Variants in PTPRN2 observed in about 807,000 individuals in gnomAD.
The protein encoded by PTPRN2 is receptor-type tyrosine-protein phosphatase N2.
Under a neutral mutation model 118.8 loss-of-function variants are expected in PTPRN2, and 74 were observed. The observed-to-expected ratio is 0.62, with a 90% confidence interval of 0.52 to 0.76. PTPRN2 has a LOEUF of 0.76. Among genes scored for constraint, PTPRN2 ranks in the 30% least tolerant of loss-of-function variants. PTPRN2 has a pLI of 0.00. For missense variants in PTPRN2, 1,481 were observed against 1,394.4 expected, an observed-to-expected ratio of 1.06 and a Z score of -0.99; for synonymous variants, 641 against 608.0, an observed-to-expected ratio of 1.05 and a Z score of -0.80.
At chr7:157,899,223 C>CT (rs914249383) in intron 11 of PTPRN2, among the ~76,000 whole-genome samples, 2 of 152,204 alleles carry the variant, frequency 1.3e-5, no homozygotes, top group Admixed American at 1.3e-4. Context: ...TGTTCATGCC[C>CT]TGACAGGAAC....
intron 2 of PTPRN2, among the ~76,000 whole-genome samples, chr7:158,379,902 T>A (rs561630535): frequency 3.1e-4 from 47 of 152,082 alleles, no homozygotes; most frequent in Admixed American, 5.9e-4. Context: ...AGGAGCAAAG[T>A]CACATCTCAC....
chr7:158,384,050 A>G (rs1190747879), intron 2 of PTPRN2, among the ~76,000 whole-genome samples: 1 of 152,166 alleles, frequency 6.6e-6, no homozygotes, highest in African/African-American at 2.4e-5. Flanking sequence ...CTCTGCTTGA[A>G]GCATCCCGCG....
chr7:158,282,712 C>G (rs1197315981), intron 3 of PTPRN2, among the ~76,000 whole-genome samples: 1 of 151,700 alleles, frequency 6.6e-6, no homozygotes, highest in African/African-American at 2.4e-5. Flanking sequence ...GACGGCTGAT[C>G]CCTCCTCGTG....
chr7:157,718,808 C>T (rs1419748513), intron 12 of PTPRN2, among the ~76,000 whole-genome samples: 1 of 152,196 alleles, frequency 6.6e-6, no homozygotes, highest in African/African-American at 2.4e-5. Flanking sequence ...TGCAGCCACT[C>T]TTGGTTTCTC....
At chr7:158,090,845 A>G (rs1372136720) in intron 10 of PTPRN2, among the ~76,000 whole-genome samples, 1 of 152,242 alleles carries the variant, frequency 6.6e-6, no homozygotes, top group Non-Finnish European at 1.5e-5. Context: ...TAGAACATCA[A>G]TATACTGATG....
rs10249811 is a variant in PTPRN2 at position 157,944,244 on chromosome 7, T to G, written c.1724-45507A>C. 0.52 allele frequency among the ~76,000 whole-genome samples: 79,461 copies of G among 151,940 alleles called. 21,650 individuals are homozygous for G. The highest frequency in any genetic ancestry group is 0.66 in the African/African-American group (27,341 of 41,438). On this transcript the variant is annotated intron_variant, in intron 11 of 22. Coordinates refer to ENST00000389418, the MANE Select transcript of PTPRN2 (RefSeq NM_002847.5). This position sits in a 1 kb window ranked among gnomAD's most constrained non-coding sequence, Gnocchi z 4.3. The stretch of plus-strand genomic sequence containing the variant: ...GCATTTGACAAAGATTGAGCATGGT[T>G]CGTCGCGAACGCCAGCCTGCCCCCA...
At chr7:158,024,431 C>G (rs1807121063) in intron 11 of PTPRN2, among the ~76,000 whole-genome samples, 1 of 152,234 alleles carries the variant, frequency 6.6e-6, no homozygotes, top group Non-Finnish European at 1.5e-5. Context: ...TAGTGAAACA[C>G]ACACATTTAG....
rs181310218 is a variant in PTPRN2, at chr7:158,533,284, A to C, written c.113-43499T>G. On this transcript the variant is annotated intron_variant, in intron 1 of 22. Transcript: ENST00000389418. ...AGCGCCCAAGATCTGCACTCACCAA[A>C]GTGAGCCTCTCACAGATGGAATCTG... is the stretch of plus-strand genomic sequence containing the variant. 7.3e-4 allele frequency among the ~76,000 whole-genome samples: 111 copies of C among 152,328 alleles called. 2 individuals carry two copies. Among genetic ancestry groups the C allele is most frequent in the African/African-American group, 2.6e-3 (107 of 41,578 alleles).
chr7:157,640,996 G>A (rs917908897), intron 14 of PTPRN2, among the ~76,000 whole-genome samples: 2 of 152,078 alleles, frequency 1.3e-5, no homozygotes, highest in African/African-American at 2.4e-5. Context: ...AATGAGAGTC[G>A]GTCTGAACAA....
intron 2 of PTPRN2, among the ~76,000 whole-genome samples, chr7:158,457,087 C>T (rs1246219624): frequency 6.6e-6 from 1 of 151,990 alleles, no homozygotes; most frequent in Non-Finnish European, 1.5e-5. Context: ...AATTAATATC[C>T]AAGGAGGGTC....
intron 2 of PTPRN2, among the ~76,000 whole-genome samples, chr7:158,321,304 C>G (rs936690557): frequency 2.0e-5 from 3 of 152,188 alleles, no homozygotes; most frequent in African/African-American, 7.2e-5. Context: ...AACCCTCAGG[C>G]CCCTCCTCTG....
intron 11 of PTPRN2, among the ~76,000 whole-genome samples, chr7:158,016,369 G>A (rs998957531): frequency 6.6e-6 from 1 of 152,212 alleles, no homozygotes; most frequent in Non-Finnish European, 1.5e-5. Flanking sequence ...AAGGGCGAGG[G>A]GGAGTGGGCT....
chr7:158,465,043 A>G (rs1307320915), intron 2 of PTPRN2, among the ~76,000 whole-genome samples: 1 of 152,258 alleles, frequency 6.6e-6, no homozygotes, highest in Non-Finnish European at 1.5e-5. Flanking sequence ...TGGTGTTCTT[A>G]TCGCAGACTG....
intron 2 of PTPRN2, among the ~76,000 whole-genome samples, chr7:158,332,373 A>G (rs370935880): frequency 7.8e-6 from 1 of 129,018 alleles, no homozygotes. Context: ...TCACCATAAG[A>G]GGTGACACCT....
At chr7:157,943,715 AC>A (rs1333164992) in intron 11 of PTPRN2, among the ~76,000 whole-genome samples, 1 of 150,696 alleles carries the variant, frequency 6.6e-6, no homozygotes, top group Non-Finnish European at 1.5e-5. Context: ...AGCGCTCCCT[AC>A]CCTGACGCCA....
chr7:158,204,184 C>T (rs1237176302), intron 4 of PTPRN2, among the ~76,000 whole-genome samples: 1 of 151,478 alleles, frequency 6.6e-6, no homozygotes, highest in Non-Finnish European at 1.5e-5. Flanking sequence ...GCAGCCGCCG[C>T]CCTCAGCGTG....
At chr7:158,365,836 GCA>G (rs112947057) in intron 2 of PTPRN2, among the ~76,000 whole-genome samples, 1 of 14,760 alleles carries the variant, frequency 6.8e-5, no homozygotes, top group African/African-American at 9.5e-5. Context: ...GTGCATGCGT[GCA>G]CACACACACA....
At chr7:157,557,515 T>C (rs923779886) in intron 21 of PTPRN2, among the ~76,000 whole-genome samples, 4 of 140,730 alleles carry the variant, frequency 2.8e-5, no homozygotes, top group Non-Finnish European at 3.1e-5. Context: ...ACGGCATGCA[T>C]AGGCCCACAC....
intron 21 of PTPRN2, among the ~76,000 whole-genome samples, chr7:157,566,490 G>T (rs1159760161): frequency 6.6e-6 from 1 of 152,178 alleles, no homozygotes; most frequent in East Asian, 1.9e-4. Flanking sequence ...CCTGCCCTTT[G>T]ATCTCTCCTG....
Sources: gnomAD v4.1 joint callset for allele counts (sites outside exome capture counted in the v4.1 genomes callset) on GRCh38, gnomAD v4.1.1 for gene constraint, Gnocchi (gnomAD v3.1) non-coding constraint, MANE v1.5 for transcripts, NCBI Gene and HGNC (gene_info 2026-07-23, HGNC 2026-07-21) for gene names.